Variants in TACC1 observed in about 807,000 individuals in gnomAD.
The protein encoded by TACC1 is transforming acidic coiled-coil-containing protein 1.
In TACC1, 48 loss-of-function variants were observed where a neutral mutation model predicts 84.4. That is an observed-to-expected ratio of 0.57 (90% CI 0.45 to 0.72). The LOEUF is 0.72. Ranked by LOEUF, TACC1 falls within the 30% of genes least tolerant of loss-of-function variation. The pLI, the probability that TACC1 is intolerant of heterozygous loss-of-function variation, is 0.00. For missense variants in TACC1, 920 were observed against 973.0 expected, an observed-to-expected ratio of 0.95 and a Z score of 0.72; for synonymous variants, 372 against 376.3, an observed-to-expected ratio of 0.99 and a Z score of 0.13.
In TACC1 at chr8:38,773,051, G is replaced by A. The variant is rs910195856; in HGVS notation, c.27-15653G>A. Among the ~76,000 whole-genome samples the A allele has an allele frequency of 3.3e-5, 5 of 152,036 alleles. 1 individual carries two copies. In the South Asian group the frequency reaches 1.0e-3, roughly 32 times the overall value. ...CGTATACTTAATAAACACTAGGCCC[G>A]GCGCGGTGGCTCACGCCTGTAATCC... On this transcript the variant is annotated intron_variant, in intron 3 of 14. Transcript: ENST00000518415.
chr8:38,782,464 A>G (rs1033118824), upstream of TACC1, among the ~76,000 whole-genome samples: 2 of 152,210 alleles, frequency 1.3e-5, no homozygotes, highest in African/African-American at 4.8e-5. Context: ...TATTGTGAAT[A>G]GTGCCGCAAT....
At position 38,852,195 on chromosome 8, in the gene TACC1, T is replaced by C. The variant is rs1035137923; in HGVS notation, c.*4172T>C. On this transcript the variant is annotated 3_prime_UTR_variant, in exon 13 of 13. Transcript: ENST00000317827. ...CATTTCTGTGCCTCTTAGCATGCAG[T>C]TAGATTTGGACAAACAAGATTCCTA... The C allele has an allele frequency of 3.0e-5, 9 of 295,240 alleles. No homozygotes were observed. Among genetic ancestry groups the C allele is most frequent in the Non-Finnish European group, 4.8e-5 (7 of 145,540 alleles). 18.3% of individuals were successfully genotyped at this position (295,240 alleles called of 1,614,324 possible). A position where few individuals can be genotyped will look rare whatever the true frequency, so the allele number is the denominator to read the frequency against.
At chr8:38,763,776 C>A (rs1811682006) in intron 3 of TACC1, among the ~76,000 whole-genome samples, 1 of 152,092 alleles carries the variant, frequency 6.6e-6, no homozygotes, top group Non-Finnish European at 1.5e-5. Flanking sequence ...TTAATGCTTG[C>A]TTAATGGTTC....
rs529516909 is a variant in TACC1 at position 38,756,503 on chromosome 8, G to A, written c.26+11010G>A. On this transcript the variant is annotated intron_variant, in intron 3 of 14. Transcript: ENST00000518415. ...GAAGGGCATGAGAGATGCTCTAAAG[G>A]GAGTTGCTAGGTGTAGCTGGATCGC... 6.6e-4 allele frequency among the ~76,000 whole-genome samples: 100 copies of A among 152,200 alleles called. 2 individuals are homozygous for A. Among genetic ancestry groups the A allele is most frequent in the South Asian group, 6.2e-3 (30 of 4,802 alleles).
At chr8:38,730,848 G>A (rs1027788346) in intron 1 of TACC1, among the ~76,000 whole-genome samples, 1 of 152,216 alleles carries the variant, frequency 6.6e-6, no homozygotes, top group Non-Finnish European at 1.5e-5. Context: ...AGAATAAGTG[G>A]AGTTAGAATT....
chr8:38,754,101 G>A (rs185171302), intron 3 of TACC1, among the ~76,000 whole-genome samples: 3 of 151,780 alleles, frequency 2.0e-5, no homozygotes, highest in African/African-American at 4.8e-5. Flanking sequence ...TTACAGGCAC[G>A]CACCACCACA....
chr8:38,837,453 A>G (rs1344561353), intron 7 of TACC1, among the ~76,000 whole-genome samples: 2 of 151,924 alleles, frequency 1.3e-5, no homozygotes, highest in Non-Finnish European at 2.9e-5. Flanking sequence ...AAAAGACAAG[A>G]TCTCACTCTG....
At chr8:38,810,101 CTTTTTCTT>C (rs1042167756) in intron 2 of TACC1, among the ~76,000 whole-genome samples, 4 of 152,114 alleles carry the variant, frequency 2.6e-5, no homozygotes, top group Non-Finnish European at 2.9e-5. Context: ...CCACCATCCT[CTTTTTCTT>C]TTTTTCTTTT....
intron 3 of TACC1, chr8:38,757,241 C>CCA: frequency 2.5e-6 from 2 of 788,310 alleles, no homozygotes; most frequent in Non-Finnish European, 3.3e-6. Context: ...CCCACCCTTC[C>CCA]TCCCGCCCCA....
Position 38,851,704 on chromosome 8 carries a change from GT to G in TACC1, c.*3683del. 1 of 310,632 alleles carries G rather than the reference GT, an allele frequency of 3.2e-6. No individual in the cohort carries two copies. Among genetic ancestry groups the G allele is most frequent in the Non-Finnish European group, 6.5e-6 (1 of 154,756 alleles). The allele number at this position is 310,632 out of a possible 1,614,324, so 19.2% of individuals were successfully genotyped here. A position where few individuals can be genotyped will look rare whatever the true frequency, so the allele number is the denominator to read the frequency against. On this transcript the variant is annotated 3_prime_UTR_variant, in exon 13 of 13. Transcript: ENST00000317827. ...TGACTTGCATTTCTGACTTTATCCT[GT>G]TGTTAGGAAGATAGAAACTAGGTTT...
At chr8:38,823,187 T>G (rs1827261070) in intron 3 of TACC1, among the ~76,000 whole-genome samples, 1 of 152,186 alleles carries the variant, frequency 6.6e-6, no homozygotes, top group Non-Finnish European at 1.5e-5. Flanking sequence ...AGTAGAGAGA[T>G]ATAGGAACCA....
intron 2 of TACC1, among the ~76,000 whole-genome samples, chr8:38,814,155 T>C (rs1159731942): frequency 1.3e-5 from 2 of 152,162 alleles, no homozygotes; most frequent in Non-Finnish European, 2.9e-5. Context: ...AGAACAAGGG[T>C]CTACTGCAGT....
chr8:38,772,816 AT>A (rs1278770177), intron 3 of TACC1, among the ~76,000 whole-genome samples: 1 of 152,016 alleles, frequency 6.6e-6, no homozygotes, highest in Admixed American at 6.6e-5. Context: ...TAAACAATAA[AT>A]TGATACTTGT....
chr8:38,792,165 T>C (rs1278810532), intron 2 of TACC1, among the ~76,000 whole-genome samples: 4 of 152,266 alleles, frequency 2.6e-5, no homozygotes, highest in Admixed American at 2.0e-4. Context: ...GTATTTGCTA[T>C]CTGTCTGTTT....
At chr8:38,739,942 A>G (rs998260498) in intron 1 of TACC1, among the ~76,000 whole-genome samples, 1 of 152,242 alleles carries the variant, frequency 6.6e-6, no homozygotes, top group African/African-American at 2.4e-5. Context: ...AGCAGTGGCC[A>G]GGACTTTATC....
rs1449797999 is a variant in TACC1 at position 38,850,811 on chromosome 8, AAAAGG to A, written c.*2793_*2797del. On this transcript the variant is annotated 3_prime_UTR_variant, in exon 13 of 13. Transcript: ENST00000317827. ...AAAAAAAAAAAAAAACCAGGAGTGA[AAAAGG>A]AAAGTAGAAGGCAGCTGCTGGCCTA... The A allele has an allele frequency of 1.3e-5, 2 of 152,458 alleles. No homozygotes were observed. The highest frequency in any genetic ancestry group is 6.6e-5 in the Admixed American group (1 of 15,220). 9.4% of individuals were successfully genotyped at this position (152,458 alleles called of 1,614,324 possible). A position where few individuals can be genotyped will look rare whatever the true frequency, so the allele number is the denominator to read the frequency against.
At chr8:38,829,369 A>G (rs1319148728) in intron 5 of TACC1, among the ~76,000 whole-genome samples, 1 of 152,142 alleles carries the variant, frequency 6.6e-6, no homozygotes, top group Non-Finnish European at 1.5e-5. Flanking sequence ...CTGCCCTGAC[A>G]TCTTTCCCAA....
At chr8:38,800,721 A>G (rs1821159435) in intron 2 of TACC1, among the ~76,000 whole-genome samples, 1 of 152,216 alleles carries the variant, frequency 6.6e-6, no homozygotes, top group Non-Finnish European at 1.5e-5. Flanking sequence ...TGCTATGAAC[A>G]TTCACATCAT....
At chr8:38,744,643 C>T (rs148968012) in intron 2 of TACC1, among the ~76,000 whole-genome samples, 2 of 152,240 alleles carry the variant, frequency 1.3e-5, no homozygotes, top group African/African-American at 4.8e-5. Flanking sequence ...CTTATTCCAA[C>T]CACATGATGA....
Sources: allele counts gnomAD v4.1 joint callset (sites outside exome capture counted in the v4.1 genomes callset), GRCh38; gene constraint gnomAD v4.1.1; transcripts MANE v1.5; gene names NCBI Gene and HGNC (gene_info 2026-07-23, HGNC 2026-07-21).